Variants in EXTL3 observed in about 807,000 individuals in gnomAD.
EXTL3 encodes the protein exostosin like glycosyltransferase 3.
In EXTL3, 27 loss-of-function variants were observed where a neutral mutation model predicts 69.3. The observed-to-expected ratio is 0.39, with a 90% confidence interval of 0.29 to 0.54. The LOEUF is 0.54. Among genes scored for constraint, EXTL3 ranks in the 20% least tolerant of loss-of-function variants. EXTL3 has a pLI of 0.69. For synonymous variants in EXTL3, 511 were observed against 499.4 expected (o/e 1.02, Z -0.31); for missense variants, 1,003 against 1,231.8 (o/e 0.81, Z 2.78).
intron 1 of EXTL3, among the ~76,000 whole-genome samples, chr8:28,702,612 TC>T (rs1258654043): frequency 1.2e-3 from 174 of 148,634 alleles, no homozygotes; most frequent in African/African-American, 4.3e-3. Flanking sequence ...GGATTTTTCT[TC>T]CCTTTTTAAA....
intron 1 of EXTL3, among the ~76,000 whole-genome samples, chr8:28,653,819 G>C (rs980949249): frequency 6.6e-6 from 1 of 152,134 alleles, no homozygotes; most frequent in African/African-American, 2.4e-5. Context: ...CAGAACATGT[G>C]AGCCCTCCAA....
At position 28,716,418 on chromosome 8, in the gene EXTL3, G is replaced by T; in HGVS notation, c.359G>T (p.Ser120Ile). ...CTGAAGATCGAAGCCTGTAAGAAGAGCATTGAGAACGCCAAGCAGGACCTG... is the reference window on the plus strand; with the variant it reads ...CTGAAGATCGAAGCCTGTAAGAAGATCATTGAGAACGCCAAGCAGGACCTG... ...LNLKIEACKK[S>I]IENAKQDLLQ... Residue 120 changes from serine to isoleucine, a missense_variant, in exon 3 of 7, where the codon AGC becomes ATC. Ser to Ile is a moderately radical substitution (Grantham distance 142). Coordinates refer to ENST00000220562, the MANE Select transcript of EXTL3 (RefSeq NM_001440.4). The surrounding 1 kb of genome is among the most constrained non-coding windows in gnomAD (Gnocchi z 7.1). 3 of 1,613,780 alleles carry T rather than the reference G, an allele frequency of 1.9e-6. No homozygotes were observed. The highest frequency in any genetic ancestry group is 3.3e-5 in the Admixed American group (2 of 60,006).
rs1585222800 is a variant in EXTL3 at position 28,633,514 on chromosome 8, G to T, written c.-53+10704G>T. 2.0e-5 allele frequency among the ~76,000 whole-genome samples: 3 copies of T among 151,952 alleles called. No homozygotes were observed. The East Asian group carries it at 5.8e-4, about 30-fold the overall frequency. ...CCGGGTGTGGTGTTGGGCGCCTGTAGTCCCAGCTACTTGGCAAGCTGAAGC... is the reference window on the plus strand; with the variant it reads ...CCGGGTGTGGTGTTGGGCGCCTGTATTCCCAGCTACTTGGCAAGCTGAAGC... On this transcript the variant is annotated intron_variant, in intron 1 of 6. Coordinates refer to the EXTL3 transcript ENST00000523149.
intron 1 of EXTL3, among the ~76,000 whole-genome samples, chr8:28,649,780 C>G (rs1318624120): frequency 6.6e-6 from 1 of 152,138 alleles, no homozygotes; most frequent in Non-Finnish European, 1.5e-5. Context: ...AAGTCTTATT[C>G]TAAAAATTCT....
At chr8:28,610,495 G>A (rs1806257445) in intron 2 of EXTL3, among the ~76,000 whole-genome samples, 1 of 152,088 alleles carries the variant, frequency 6.6e-6, no homozygotes, top group Admixed American at 6.6e-5. Context: ...AGGAAAAAGG[G>A]ATGAACTGGG....
At chr8:28,618,534 G>C (rs116727212), upstream of EXTL3, among the ~76,000 whole-genome samples, 1,497 of 152,292 alleles carry the variant, frequency 9.8e-3, 32 homozygotes, top group African/African-American at 0.034. Context: ...GTGGAGGTCA[G>C]ATCAGGAGAA....
Position 28,716,191 on chromosome 8 carries a change from G to T in EXTL3, c.132G>T (p.Pro44=). The T allele has an allele frequency of 6.2e-7, 1 of 1,614,172 alleles. No individual in the cohort carries two copies. Among genetic ancestry groups the T allele is most frequent in the Non-Finnish European group, 8.5e-7 (1 of 1,180,044 alleles). ...FTLFVILVFF[P]LIAHYYLTTL... Reference sequence around the variant, plus strand: ...TCTTTGTCATCCTGGTCTTCTTCCCGCTCATCGCCCACTATTACCTCACCA... The same window carrying T: ...TCTTTGTCATCCTGGTCTTCTTCCCTCTCATCGCCCACTATTACCTCACCA... The change falls in exon 3 of 7, where the codon CCG becomes CCT. Residue 44 remains proline, a synonymous_variant. Transcript: ENST00000220562. The surrounding 1 kb of genome is among the most constrained non-coding windows in gnomAD (Gnocchi z 7.1).
intron 1 of EXTL3, among the ~76,000 whole-genome samples, chr8:28,636,539 T>G (rs1806658883): frequency 6.6e-6 from 1 of 152,084 alleles, no homozygotes; most frequent in Admixed American, 6.5e-5. Flanking sequence ...TCTGTAACTT[T>G]GATCTCAACT....
chr8:28,659,486 T>C (rs1807072062), intron 1 of EXTL3, among the ~76,000 whole-genome samples: 1 of 152,192 alleles, frequency 6.6e-6, no homozygotes. Flanking sequence ...TCGATTTCTC[T>C]CTCCAAAGTC....
chr8:28,675,863 A>T (rs547182541), intron 1 of EXTL3, among the ~76,000 whole-genome samples: 93 of 152,054 alleles, frequency 6.1e-4, no homozygotes, highest in African/African-American at 2.1e-3. Flanking sequence ...CTCTACTAAA[A>T]ATACAAAAAT....
intron 3 of EXTL3, 77 bp from the exon 4 acceptor site, chr8:28,731,146 T>C (rs1356428313): frequency 6.3e-7 from 1 of 1,588,470 alleles, no homozygotes; most frequent in East Asian, 2.2e-5. Flanking sequence ...CATGGTCTCC[T>C]TGGACCTAAA....
Position 28,675,162 on chromosome 8 carries a change from G to A in EXTL3, c.-52-38295G>A, listed in dbSNP as rs546131945. ...AGGAGAGCAAAGATCACCTGGGAGA[G>A]GCACCAAACAGTCCATCCAGAGGCC... On this transcript the variant is annotated intron_variant, in intron 1 of 6. Coordinates refer to the EXTL3 transcript ENST00000523149. 9.9e-5 allele frequency among the ~76,000 whole-genome samples: 15 copies of A among 152,278 alleles called. 1 individual carries two copies. In the South Asian group the frequency reaches 3.1e-3, roughly 32 times the overall value.
At chr8:28,670,759 A>C (rs997779774) in intron 1 of EXTL3, among the ~76,000 whole-genome samples, 1 of 152,180 alleles carries the variant, frequency 6.6e-6, no homozygotes, top group Admixed American at 6.5e-5. Flanking sequence ...TCCAATGTTA[A>C]TGTCATCCCC....
chr8:28,689,601 C>T (rs1285988953), intron 1 of EXTL3, among the ~76,000 whole-genome samples: 1 of 152,132 alleles, frequency 6.6e-6, no homozygotes, highest in Non-Finnish European at 1.5e-5. Context: ...CACCTCAATA[C>T]TTATAGTTTT....
In EXTL3 at chr8:28,716,569, C is replaced by A. The variant is rs1801153192; in HGVS notation, c.510C>A (p.Pro170=). The A allele has an allele frequency of 1.2e-6, 2 of 1,614,120 alleles. No individual in the cohort carries two copies. The highest frequency in any genetic ancestry group is 3.3e-5 in the Admixed American group (2 of 60,008). The change falls in exon 3 of 7, where the codon CCC becomes CCA. Residue 170 remains proline, a synonymous_variant. Transcript: ENST00000220562. This position sits in a 1 kb window ranked among gnomAD's most constrained non-coding sequence, Gnocchi z 7.1. ...AGAAGGACGATGCCGGCCTCCCTCCCCCGAAGGCCACTCGGGGCTGCCGGC... is the reference window on the plus strand; with the variant it reads ...AGAAGGACGATGCCGGCCTCCCTCCACCGAAGGCCACTCGGGGCTGCCGGC... ...LPEKDDAGLP[P]PKATRGCRLH... is the part of the protein sequence containing the mutation.
At chr8:28,628,220 GA>G in intron 1 of EXTL3, among the ~76,000 whole-genome samples, 1 of 152,254 alleles carries the variant, frequency 6.6e-6, no homozygotes, top group South Asian at 2.1e-4. Context: ...AAATAATCTG[GA>G]TGTGGTGGCA....
intron 5 of EXTL3, chr8:28,741,328 T>A (rs1393143428): frequency 6.6e-6 from 1 of 152,264 alleles, no homozygotes; most frequent in Non-Finnish European, 1.5e-5. Context: ...TAAAATGTCA[T>A]TTCTTTCAAG....
chr8:28,717,061 G>C lies in EXTL3; in HGVS notation c.1002G>C (p.Gln334His). 6.2e-7 allele frequency: 1 copy of C among 1,614,236 alleles called. No individual in the cohort carries two copies. The highest frequency in any genetic ancestry group is 1.7e-5 in the Admixed American group (1 of 60,032). The change falls in exon 3 of 7, where the codon CAG becomes CAC. Residue 334 changes from glutamine (Q) to histidine (H), a missense_variant. Gln to His is a conservative substitution (Grantham distance 24, BLOSUM62 0). Around this residue, in one of 2 missense-constraint regions of EXTL3, gnomAD observed 742 missense variants for 815.4 expected, o/e 0.91. Transcript: ENST00000220562. This position sits in a 1 kb window ranked among gnomAD's most constrained non-coding sequence, Gnocchi z 8.3. ...CCAACTTCATGGAAATCCCACCACA[G>C]GTGCCGGTGAAGCGGAAATATCTCT... The part of the protein sequence containing the change: ...SEPNFMEIPP[Q>H]VPVKRKYLFT...
chr8:28,692,752 GAA>G (rs1013126932), intron 1 of EXTL3, among the ~76,000 whole-genome samples: 1 of 152,200 alleles, frequency 6.6e-6, no homozygotes, highest in Admixed American at 6.5e-5. Context: ...ATTTTTAAAT[GAA>G]AGTAGTGAGC....
Sources: allele counts gnomAD v4.1 joint callset (sites outside exome capture counted in the v4.1 genomes callset), GRCh38; gene constraint gnomAD v4.1.1; regional missense constraint gnomAD v4.1.1; non-coding constraint Gnocchi (gnomAD v3.1); transcripts MANE v1.5; gene names NCBI Gene and HGNC (gene_info 2026-07-23, HGNC 2026-07-21).